The following PRMT8 variants were observed in gnomAD, a reference collection of about 807,000 sequenced individuals.
PRMT8 encodes protein arginine N-methyltransferase 8.
A neutral mutation model predicts 47.1 loss-of-function variants in PRMT8; 7 were observed. The ratio of observed to expected loss-of-function variants is 0.15; its 90% CI spans 0.08 to 0.28. PRMT8 has a LOEUF of 0.28. Among genes scored for constraint, PRMT8 ranks in the 10% least tolerant of loss-of-function variants. The pLI, the probability that PRMT8 is intolerant of heterozygous loss-of-function variation, is 1.00. For missense variants in PRMT8, 237 were observed against 505.4 expected, an observed-to-expected ratio of 0.47 and a Z score of 5.09; for synonymous variants, 188 against 186.5, an observed-to-expected ratio of 1.01 and a Z score of -0.07.
intron 1 of PRMT8, among the ~76,000 whole-genome samples, chr12:3,482,867 T>C (rs112656150): frequency 6.6e-6 from 1 of 152,264 alleles, no homozygotes; most frequent in African/African-American, 2.4e-5. Flanking sequence ...CAGGCCCATC[T>C]CTCTCGGCAA....
At chr12:3,558,948 G>C (rs550100481) in intron 4 of PRMT8, among the ~76,000 whole-genome samples, 226 of 112,700 alleles carry the variant, frequency 2.0e-3, no homozygotes, top group Non-Finnish European at 2.9e-3. Flanking sequence ...ACATTTATCT[G>C]TCTATCTATC....
intron 1 of PRMT8, among the ~76,000 whole-genome samples, chr12:3,434,854 A>G (rs2137070433): frequency 6.6e-6 from 1 of 150,506 alleles, no homozygotes; most frequent in African/African-American, 2.5e-5. Context: ...CTCAGGAGGA[A>G]GTGTTCCCAA....
rs1865391647 is a variant in PRMT8 at position 3,491,291 on chromosome 12, C to T, written c.-335C>T. On this transcript the variant is annotated 5_prime_UTR_variant, in exon 1 of 10. Coordinates refer to ENST00000382622, the MANE Select transcript of PRMT8 (RefSeq NM_019854.5). ...TTGCGAGCAGCCTGGAGAGGATCCG[C>T]GACCGCCGCCGCCGCCGCCGCGGAG... The T allele has an allele frequency of 8.8e-7, 1 of 1,131,286 alleles. No homozygotes were observed. The highest frequency in any genetic ancestry group is 2.9e-5 in the South Asian group (1 of 34,434). The allele number at this position is 1,131,286 out of a possible 1,614,324, so 70.1% of individuals were successfully genotyped here. A position where few individuals can be genotyped will look rare whatever the true frequency, so the allele number is the denominator to read the frequency against.
rs145259342 is a variant in PRMT8 at position 3,385,991 on chromosome 12, C to A, written c.48+4549C>A. 2.4e-4 allele frequency among the ~76,000 whole-genome samples: 36 copies of A among 152,300 alleles called. 1 individual carries two copies. The East Asian group carries it at 6.2e-3, about 26-fold the overall frequency. ...TGATTTACTGAATTCCTTACTATGA[C>A]TCTTCTATATTTGACATGCCACACG... On this transcript the variant is annotated intron_variant, in intron 1 of 9. Transcript: ENST00000452611.
At chr12:3,417,395 A>G (rs1262614676) in intron 1 of PRMT8, among the ~76,000 whole-genome samples, 1 of 152,254 alleles carries the variant, frequency 6.6e-6, no homozygotes. Flanking sequence ...GAGCCATGCA[A>G]CATGAATTAA....
intron 1 of PRMT8, among the ~76,000 whole-genome samples, chr12:3,463,160 C>T (rs1865057653): frequency 6.6e-6 from 1 of 152,200 alleles, no homozygotes; most frequent in South Asian, 2.1e-4. Context: ...ATTTTACAGA[C>T]TGAGGAAATT....
intron 1 of PRMT8, among the ~76,000 whole-genome samples, chr12:3,418,614 C>T (rs975203075): frequency 1.3e-5 from 2 of 152,238 alleles, no homozygotes; most frequent in South Asian, 2.1e-4. Context: ...AGGCCCACTC[C>T]GTGTGTGGAG....
At chr12:3,586,655 G>A (rs1043167322) in intron 8 of PRMT8, among the ~76,000 whole-genome samples, 3 of 152,140 alleles carry the variant, frequency 2.0e-5, no homozygotes, top group Non-Finnish European at 4.4e-5. Flanking sequence ...CTGGGGGTGG[G>A]GGCCAGCCGT....
chr12:3,586,452 C>T lies in PRMT8; in HGVS notation c.979+3244C>T, dbSNP rs113200247. 9.1e-3 allele frequency among the ~76,000 whole-genome samples: 1,388 copies of T among 152,320 alleles called. 18 individuals are homozygous for T. Among genetic ancestry groups the T allele is most frequent in the African/African-American group, 0.032 (1,312 of 41,552 alleles). On this transcript the variant is annotated intron_variant, in intron 8 of 9. Coordinates refer to ENST00000382622, the MANE Select transcript of PRMT8 (RefSeq NM_019854.5). Reference sequence around the variant, plus strand: ...TTTTGCAATTATAGTGTTATGCCTCCTCCCTTTTGCACAGAATTCTACAAA... The same window carrying T: ...TTTTGCAATTATAGTGTTATGCCTCTTCCCTTTTGCACAGAATTCTACAAA...
At chr12:3,422,257 G>A (rs1169224479) in intron 1 of PRMT8, among the ~76,000 whole-genome samples, 2 of 152,176 alleles carry the variant, frequency 1.3e-5, no homozygotes, top group African/African-American at 2.4e-5. Flanking sequence ...CAACCTTCGT[G>A]GTTACCTGGA....
At chr12:3,507,585 A>T (rs1209732282) in intron 1 of PRMT8, among the ~76,000 whole-genome samples, 1 of 152,170 alleles carries the variant, frequency 6.6e-6, no homozygotes, top group Admixed American at 6.5e-5. Flanking sequence ...GCCCATCAGA[A>T]GTGTAGATAG....
intron 1 of PRMT8, among the ~76,000 whole-genome samples, chr12:3,388,503 G>GTGAA (rs1003075912): frequency 6.6e-6 from 1 of 152,192 alleles, no homozygotes; most frequent in Non-Finnish European, 1.5e-5. Flanking sequence ...TTGAGGTTGT[G>GTGAA]TGAATACCCC....
intron 1 of PRMT8, among the ~76,000 whole-genome samples, chr12:3,426,118 A>G (rs1735249107): frequency 6.6e-6 from 1 of 152,184 alleles, no homozygotes; most frequent in Non-Finnish European, 1.5e-5. Flanking sequence ...CTTGGAAAAG[A>G]GCTACCATGC....
chr12:3,471,974 C>T (rs1282551576), intron 1 of PRMT8, among the ~76,000 whole-genome samples: 1 of 151,840 alleles, frequency 6.6e-6, no homozygotes, highest in African/African-American at 2.4e-5. Flanking sequence ...AAGACTTGGC[C>T]TCTCTGAACC....
At chr12:3,515,367 G>A (rs1250676601) in intron 1 of PRMT8, among the ~76,000 whole-genome samples, 1 of 152,210 alleles carries the variant, frequency 6.6e-6, no homozygotes, top group East Asian at 1.9e-4. Context: ...GAACTTGTTA[G>A]AAATGCAAAT....
intron 2 of PRMT8, among the ~76,000 whole-genome samples, chr12:3,542,631 G>GAACT (rs1866252023): frequency 6.6e-6 from 1 of 152,198 alleles, no homozygotes; most frequent in Non-Finnish European, 1.5e-5. Flanking sequence ...GGCCTGCCCA[G>GAACT]AACTCCCCCA....
intron 4 of PRMT8, among the ~76,000 whole-genome samples, chr12:3,556,519 C>T (rs530330864): frequency 3.2e-4 from 48 of 152,122 alleles, no homozygotes; most frequent in African/African-American, 7.5e-4. Context: ...AGGTTACCAG[C>T]GCTCTTAACA....
chr12:3,522,966 CA>C (rs1277026805), intron 1 of PRMT8, among the ~76,000 whole-genome samples: 3 of 151,502 alleles, frequency 2.0e-5, no homozygotes, highest in African/African-American at 7.3e-5. Context: ...ATTCTACTAC[CA>C]GGGGTAAGGG....
chr12:3,404,232 TA>T (rs1210946533), intron 1 of PRMT8, among the ~76,000 whole-genome samples: 1 of 152,188 alleles, frequency 6.6e-6, no homozygotes, highest in Non-Finnish European at 1.5e-5. Context: ...TACACGTATG[TA>T]TTTCCATAAA....
Sources: allele counts gnomAD v4.1 joint callset (sites outside exome capture counted in the v4.1 genomes callset), GRCh38; gene constraint gnomAD v4.1.1; transcripts MANE v1.5; gene names NCBI Gene and HGNC (gene_info 2026-07-23, HGNC 2026-07-21).